Variants in IMPDH1 observed in about 807,000 individuals in gnomAD.
The protein encoded by IMPDH1 is inosine-5'-monophosphate dehydrogenase 1.
IMPDH1 carries 41 observed loss-of-function variants against 73.5 expected under a neutral mutation model. That is an observed-to-expected ratio of 0.56 (90% CI 0.43 to 0.72). IMPDH1 has a LOEUF of 0.72. Ranked by LOEUF, IMPDH1 falls within the 30% of genes least tolerant of loss-of-function variation. The probability of loss-of-function intolerance (pLI) is 0.00; values close to 1 mark genes in which losing one functional copy is unlikely to be tolerated. For synonymous variants in IMPDH1, 318 were observed against 334.3 expected (o/e 0.95, Z 0.53); for missense variants, 645 against 824.8 (o/e 0.78, Z 2.67).
intron 4 of IMPDH1, among the ~76,000 whole-genome samples, chr7:128,404,214 A>G (rs1379999400): frequency 6.6e-6 from 1 of 152,200 alleles, no homozygotes; most frequent in African/African-American, 2.4e-5. Flanking sequence ...GACAGTCCGC[A>G]TGCCCCGGTG....
At position 128,400,856 on chromosome 7, in the gene IMPDH1, G is replaced by A; in HGVS notation, c.540C>T (p.Cys180=). Residue 180 remains cysteine, a synonymous_variant, in exon 7 of 17, where the codon TGC becomes TGT. Transcript: ENST00000338791. ...CCTCGTTGGCCTGGAACTCTGGGGT[G>A]CAGTTGTGGTGAATGAAACCAATAC... is the stretch of plus-strand genomic sequence containing the variant. ...MGGIGFIHHN[C]TPEFQANEVR... 6.2e-7 allele frequency: 1 copy of A among 1,614,226 alleles called. No homozygotes were observed. The highest frequency in any genetic ancestry group is 1.7e-5 in the Admixed American group (1 of 60,030).
At position 128,394,576 on chromosome 7, in the gene IMPDH1, G is replaced by C; in HGVS notation, c.1574C>G (p.Ala525Gly). The C allele has an allele frequency of 6.2e-7, 1 of 1,613,800 alleles. No homozygotes were observed. Among genetic ancestry groups the C allele is most frequent in the Non-Finnish European group, 8.5e-7 (1 of 1,179,990 alleles). Residue 525 changes from alanine (A) to glycine (G), a missense_variant, in exon 15 of 17, where the codon GCG becomes GGG. Ala to Gly is a moderately conservative substitution (Grantham distance 60, BLOSUM62 0). Transcript: ENST00000338791. This position sits in a 1 kb window ranked among gnomAD's most constrained non-coding sequence, Gnocchi z 5.5. ...YFSEGDKVKIAQGVSGSIQDK... is the reference protein window; with the variant it reads ...YFSEGDKVKIGQGVSGSIQDK... ...CTGGATGGAGCCCGAGACACCCTGC[G>C]CGATCTTCACTTTATCCCCCTCGCT...
rs769164946 is a variant in IMPDH1, at chr7:128,394,415, AGAG to A, written c.1694+38_1694+40del. 6.2e-7 allele frequency: 1 copy of A among 1,613,838 alleles called. No homozygotes were observed. The highest frequency in any genetic ancestry group is 8.5e-7 in the Non-Finnish European group (1 of 1,179,850). On this transcript the variant is annotated intron_variant, in intron 15 of 16. Coordinates refer to ENST00000338791, the MANE Select transcript of IMPDH1 (RefSeq NM_000883.4). The surrounding 1 kb of genome is among the most constrained non-coding windows in gnomAD (Gnocchi z 5.5). ...GGGCCACCAAGGGTGGAGAAGAGCG[AGAG>A]AAAGGAAGCAGGAGCCACCCCCAGT...
intron 5 of IMPDH1, among the ~76,000 whole-genome samples, chr7:128,401,684 T>G (rs760834881): frequency 1.3e-4 from 20 of 152,136 alleles, no homozygotes; most frequent in Non-Finnish European, 2.5e-4. Context: ...AAAAGGTCAC[T>G]CAGGCTCCAA....
At chr7:128,405,373 G>T (rs1798642999) in intron 4 of IMPDH1, among the ~76,000 whole-genome samples, 1 of 152,246 alleles carries the variant, frequency 6.6e-6, no homozygotes, top group Non-Finnish European at 1.5e-5. Context: ...TGCGGAAGCG[G>T]CTGCTTAAGC....
chr7:128,400,700 C>T, intron 7 of IMPDH1, 117 bp downstream of exon 7: 1 of 1,191,718 alleles, frequency 8.4e-7, no homozygotes, highest in East Asian at 2.3e-5. Context: ...CAAGGCTCCA[C>T]TGAGAGGAAG....
rs2288551 is a variant in IMPDH1, at chr7:128,409,519, C to T, written c.147-35G>A. 63,728 of 1,611,944 alleles carry T rather than the reference C, an allele frequency of 0.04. 2,478 individuals carry two copies. The highest frequency in any genetic ancestry group is 0.18 in the East Asian group (8,253 of 44,870). On this transcript the variant is annotated intron_variant, in intron 1 of 16. Coordinates refer to ENST00000338791, the MANE Select transcript of IMPDH1 (RefSeq NM_000883.4). ...TAGGGAAGGTTTTTACGACCTGTTC[C>T]CTCTCCTCCGCTCCCCCGTGCAACG...
intron 5 of IMPDH1, 62 bp downstream of exon 5, chr7:128,403,641 CAAG>C: frequency 1.4e-6 from 2 of 1,435,760 alleles, no homozygotes; most frequent in Non-Finnish European, 2.0e-6. Flanking sequence ...TGCCCCTGAG[CAAG>C]AAGTCAGCCT....
Position 128,395,287 on chromosome 7 carries a change from G to C in IMPDH1, c.1262-13C>G. ...CCACAGGCCATCACTGGGGGAGGGT[G>C]GGGTGCACAAGGCAGAGAAGAGTCA... is the stretch of plus-strand genomic sequence containing the variant. On this transcript the variant is annotated splice_polypyrimidine_tract_variant and intron_variant, in intron 12 of 16. Transcript: ENST00000338791. 6.2e-7 allele frequency: 1 copy of C among 1,612,650 alleles called. No homozygotes were observed. Among genetic ancestry groups the C allele is most frequent in the Non-Finnish European group, 8.5e-7 (1 of 1,180,022 alleles).
rs1798992231 is a variant in IMPDH1 at position 128,409,459 on chromosome 7, G to A, written c.172C>T (p.Pro58Ser). The A allele has an allele frequency of 6.2e-7, 1 of 1,614,198 alleles. No homozygotes were observed. The highest frequency in any genetic ancestry group is 8.5e-7 in the Non-Finnish European group (1 of 1,180,026). The change falls in exon 2 of 17, where the codon CCG becomes TCG. Residue 58 changes from proline to serine, a missense_variant. Physicochemically the swap from Pro to Ser is moderately conservative, Grantham distance 74. Transcript: ENST00000338791. ...ESPRLDLATH[P>S]TTPRSELSSV... ...GAGCCACCTGAACGGGGTGTCGTCG[G>A]GTGTGTAGCGAGGTCCAATCTAGGG...
chr7:128,394,830 G>A lies in IMPDH1; in HGVS notation c.1550+59C>T, dbSNP rs1026750949. On this transcript the variant is annotated intron_variant, in intron 14 of 16. Transcript: ENST00000338791. The surrounding 1 kb of genome is among the most constrained non-coding windows in gnomAD (Gnocchi z 5.5). ...TGCCATCTGGGGAAGTCGGTGGCATGAGCGGGCCCTGAAGGGTTGTGGGCT... is the reference window on the plus strand; with the variant it reads ...TGCCATCTGGGGAAGTCGGTGGCATAAGCGGGCCCTGAAGGGTTGTGGGCT... The A allele has an allele frequency of 5.6e-6, 9 of 1,597,858 alleles. No homozygotes were observed. Among genetic ancestry groups the A allele is most frequent in the Non-Finnish European group, 6.8e-6 (8 of 1,170,384 alleles).
intron 3 of IMPDH1, among the ~76,000 whole-genome samples, chr7:128,408,844 C>T (rs1798948560): frequency 6.6e-6 from 1 of 152,188 alleles, no homozygotes; most frequent in African/African-American, 2.4e-5. Flanking sequence ...AGAGAGGCAG[C>T]CTGCCAGGAC....
intron 3 of IMPDH1, among the ~76,000 whole-genome samples, chr7:128,406,301 A>G (rs1305075054): frequency 1.2e-4 from 1 of 8,112 alleles, no homozygotes; most frequent in Non-Finnish European, 3.0e-4. Flanking sequence ...CCACACCCCC[A>G]CACCCCCCAC....
At position 128,398,455 on chromosome 7, in the gene IMPDH1, G is replaced by T; in HGVS notation, c.1033C>A (p.Leu345Met). Residue 345 changes from leucine (L) to methionine (M), a missense_variant, in exon 10 of 17, where the codon CTG becomes ATG. Physicochemically the swap from Leu to Met is conservative, Grantham distance 15. This residue lies in a region of IMPDH1 where 459 missense variants were observed against 638.2 expected (regional missense o/e 0.72). Transcript: ENST00000338791. This position sits in a 1 kb window ranked among gnomAD's most constrained non-coding sequence, Gnocchi z 4.3. ...VGTREDDKYRLDLLTQAGVDV... is the reference protein window; with the variant it reads ...VGTREDDKYRMDLLTQAGVDV... Reference sequence around the variant, plus strand: ...ACGCCCGCCTGGGTGAGCAGGTCCAGACGGTATTTGTCATCCTCACGGGTG... The same window carrying T: ...ACGCCCGCCTGGGTGAGCAGGTCCATACGGTATTTGTCATCCTCACGGGTG... The T allele has an allele frequency of 6.2e-7, 1 of 1,613,594 alleles. No individual in the cohort carries two copies. Among genetic ancestry groups the T allele is most frequent in the Non-Finnish European group, 8.5e-7 (1 of 1,179,856 alleles).
chr7:128,406,032 G>A (rs1169488402), intron 3 of IMPDH1, 167 bp from the exon 4 acceptor site: 1 of 273,350 alleles, frequency 3.7e-6, no homozygotes, highest in Non-Finnish European at 5.5e-6. Flanking sequence ...GGCGGGCCAG[G>A]GCGCCGCCCT....
chr7:128,408,427 G>T (rs980764012), intron 3 of IMPDH1, among the ~76,000 whole-genome samples: 1 of 152,158 alleles, frequency 6.6e-6, no homozygotes, highest in East Asian at 1.9e-4. Context: ...TCAAACCCAG[G>T]ACTGCTCACA....
chr7:128,393,100 C>T, intron 16 of IMPDH1, 72 bp from the exon 17 acceptor site: 1 of 1,515,730 alleles, frequency 6.6e-7, no homozygotes, highest in Non-Finnish European at 9.2e-7. Flanking sequence ...ACCCTTTCCC[C>T]AGGGCCCCCA....
chr7:128,400,325 G>A lies in IMPDH1; in HGVS notation c.786+8C>T. ...CACCCAGCCCTGCTTCCCCTGCCCT[G>A]CAGGTACCTCACTGAGGAGGGTGGT... On this transcript the variant is annotated splice_region_variant and intron_variant, in intron 8 of 16. Coordinates refer to ENST00000338791, the MANE Select transcript of IMPDH1 (RefSeq NM_000883.4). 6.2e-7 allele frequency: 1 copy of A among 1,613,084 alleles called. No homozygotes were observed. Among genetic ancestry groups the A allele is most frequent in the Non-Finnish European group, 8.5e-7 (1 of 1,179,330 alleles).
Position 128,394,251 on chromosome 7 carries a change from T to G in IMPDH1, c.1778+27A>C, listed in dbSNP as rs72624972. 338 of 1,592,350 alleles carry G rather than the reference T, an allele frequency of 2.1e-4. 1 individual carries two copies. The African/African-American group carries it at 4.2e-3, about 20-fold the overall frequency. On this transcript the variant is annotated intron_variant, in intron 16 of 16. Coordinates refer to ENST00000338791, the MANE Select transcript of IMPDH1 (RefSeq NM_000883.4). This position sits in a 1 kb window ranked among gnomAD's most constrained non-coding sequence, Gnocchi z 5.5. ...ACCTGCCCAACCCACTGCCTCCAAG[T>G]GACAGCAAGGAGGCCACCACACTTA...
Sources: allele counts gnomAD v4.1 joint callset (sites outside exome capture counted in the v4.1 genomes callset), GRCh38; gene constraint gnomAD v4.1.1; regional missense constraint gnomAD v4.1.1; non-coding constraint Gnocchi (gnomAD v3.1); transcripts MANE v1.5; gene names NCBI Gene and HGNC (gene_info 2026-07-23, HGNC 2026-07-21).